Variants in BPTF observed in about 807,000 individuals in gnomAD.
BPTF encodes nucleosome-remodeling factor subunit BPTF.
BPTF carries 18 observed loss-of-function variants against 292.5 expected under a neutral mutation model. That is an observed-to-expected ratio of 0.06 (90% CI 0.04 to 0.09). The LOEUF is 0.09. Ranked by LOEUF, BPTF falls within the 10% of genes least tolerant of loss-of-function variation. The probability of loss-of-function intolerance (pLI) is 1.00; values close to 1 mark genes in which losing one functional copy is unlikely to be tolerated. For synonymous variants in BPTF, 1,225 were observed against 1,251.9 expected, an observed-to-expected ratio of 0.98 and a Z score of 0.45; for missense variants, 2,726 against 3,498.7, an observed-to-expected ratio of 0.78 and a Z score of 5.57.
chr17:67,892,097 T>C (rs1411858103), intron 5 of BPTF, 63 bp downstream of exon 5: 1 of 1,246,106 alleles, frequency 8.0e-7, no homozygotes, highest in East Asian at 2.8e-5. Flanking sequence ...TTACCACACC[T>C]TAAAAATAGG....
chr17:67,975,564 G>A (rs1464453936), intron 26 of BPTF: 7 of 477,720 alleles, frequency 1.5e-5, no homozygotes, highest in South Asian at 1.0e-4. Flanking sequence ...ACAGCAACCC[G>A]GATTTATATT....
intron 23 of BPTF, among the ~76,000 whole-genome samples, chr17:67,948,943 T>C (rs1201575081): frequency 6.6e-6 from 1 of 152,232 alleles, no homozygotes; most frequent in African/African-American, 2.4e-5. Context: ...ATGGCACCAC[T>C]GCACTGCAGC....
At chr17:67,976,663 G>A (rs1439960939) in intron 27 of BPTF, among the ~76,000 whole-genome samples, 2 of 135,326 alleles carry the variant, frequency 1.5e-5, no homozygotes, top group Non-Finnish European at 3.0e-5. Flanking sequence ...TCCAACCTGA[G>A]TGACAGAGTG....
intron 1 of BPTF, among the ~76,000 whole-genome samples, chr17:67,832,009 A>G (rs1310356910): frequency 6.6e-6 from 1 of 152,232 alleles, no homozygotes; most frequent in South Asian, 2.1e-4. Flanking sequence ...CTCCTGCCTC[A>G]GCCTCCCGAG....
Position 67,888,589 on chromosome 17 carries a change from C to CAA in BPTF, c.1865-3232_1865-3231dup, listed in dbSNP as rs776548348. On this transcript the variant is annotated intron_variant, in intron 4 of 27. Transcript: ENST00000306378. ...TGGGTGACAGAACGAGACTCCGTCTCAAAAAAAAAAAAAAAAAAAAAAAAT... is the reference window on the plus strand; with the variant it reads ...TGGGTGACAGAACGAGACTCCGTCTCAAAAAAAAAAAAAAAAAAAAAAAAAAT... Among the ~76,000 whole-genome samples, 517 of 62,724 alleles carry CAA rather than the reference C, an allele frequency of 8.2e-3. 7 individuals carry two copies. Among genetic ancestry groups the CAA allele is most frequent in the Middle Eastern group, 0.033 (4 of 122 alleles). The allele number at this position is 62,724 out of a possible 152,430, so 41.1% of individuals were successfully genotyped here. A position where few individuals can be genotyped will look rare whatever the true frequency, so the allele number is the denominator to read the frequency against.
chr17:67,842,817 C>CAAAAAAAAAAA (rs60085248), intron 1 of BPTF, among the ~76,000 whole-genome samples: 2 of 47,816 alleles, frequency 4.2e-5, no homozygotes, highest in African/African-American at 7.6e-5. Flanking sequence ...CAATTAAGGC[C>CAAAAAAAAAAA]AAAAAAAAAA....
At chr17:67,980,315 A>G (rs2070188599) in intron 27 of BPTF, among the ~76,000 whole-genome samples, 1 of 152,226 alleles carries the variant, frequency 6.6e-6, no homozygotes, top group Non-Finnish European at 1.5e-5. Context: ...ACTGCACTCC[A>G]GCCTGGGCAA....
intron 1 of BPTF, among the ~76,000 whole-genome samples, chr17:67,833,569 TTC>T (rs1201945121): frequency 6.6e-6 from 1 of 152,074 alleles, no homozygotes; most frequent in African/African-American, 2.4e-5. Context: ...CAGTTTTAAT[TTC>T]TTTCTTTTTT....
intron 2 of BPTF, among the ~76,000 whole-genome samples, chr17:67,862,521 C>T (rs749042101): frequency 2.6e-5 from 4 of 152,046 alleles, no homozygotes; most frequent in Non-Finnish European, 5.9e-5. Flanking sequence ...GTGGTGGGAT[C>T]GGGATTTGAA....
At chr17:67,977,519 GA>G (rs556143004) in intron 27 of BPTF, among the ~76,000 whole-genome samples, 34 of 140,138 alleles carry the variant, frequency 2.4e-4, no homozygotes, top group African/African-American at 6.3e-4. Flanking sequence ...CATCTCAGAA[GA>G]AAAAAAAAAA....
intron 11 of BPTF, among the ~76,000 whole-genome samples, chr17:67,915,676 C>T (rs941012819): frequency 6.6e-6 from 1 of 152,088 alleles, no homozygotes; most frequent in African/African-American, 2.4e-5. Flanking sequence ...TGCCTTTGAT[C>T]AGCAACCCCC....
intron 9 of BPTF, among the ~76,000 whole-genome samples, chr17:67,908,207 G>A (rs917082162): frequency 6.6e-6 from 1 of 152,114 alleles, no homozygotes; most frequent in African/African-American, 2.4e-5. Flanking sequence ...CAGCCAGGCT[G>A]GAGTGCAGTG....
At chr17:67,894,840 T>C (rs765986942) in intron 7 of BPTF, among the ~76,000 whole-genome samples, 1 of 152,198 alleles carries the variant, frequency 6.6e-6, no homozygotes, top group Non-Finnish European at 1.5e-5. Flanking sequence ...AAAGATCATA[T>C]AGCTCCTGAG....
chr17:67,950,051 CA>C (rs567911150), intron 23 of BPTF, among the ~76,000 whole-genome samples: 162 of 68,588 alleles, frequency 2.4e-3, no homozygotes, highest in African/African-American at 0.01. Flanking sequence ...GAGACTGTCT[CA>C]AAAAAAAAAA....
At chr17:67,929,262 C>G (rs761885586) in intron 16 of BPTF, 74 bp from the exon 17 acceptor site, 55 of 1,568,610 alleles carry the variant, frequency 3.5e-5, no homozygotes, top group Non-Finnish European at 4.6e-5. Context: ...GTAGTTTCTC[C>G]TCAGCAACCG....
At chr17:67,906,928 C>T (rs1254330944) in intron 9 of BPTF, among the ~76,000 whole-genome samples, 1 of 152,090 alleles carries the variant, frequency 6.6e-6, no homozygotes, top group Non-Finnish European at 1.5e-5. Context: ...TGCCATGGCT[C>T]ACACCTGTGA....
Position 67,912,679 on chromosome 17 carries a change from T to C in BPTF, c.4795T>C (p.Ser1599Pro). ...TTMTSTVATESKTVIKVEKGD... is the reference protein window; with the variant it reads ...TTMTSTVATEPKTVIKVEKGD... ...GATGACCTCCACAGTGGCCACAGAA[T>C]CAAAAACTGTGATCAAGGTAGAAAA... is the stretch of plus-strand genomic sequence containing the variant. The change falls in exon 11 of 28, where the codon TCA becomes CCA. Residue 1599 changes from serine (S) to proline (P), a missense_variant. By Grantham distance (74) the Ser-to-Pro change is moderately conservative. Transcript: ENST00000306378. 1 of 1,613,918 alleles carries C rather than the reference T, an allele frequency of 6.2e-7. No homozygotes were observed. The highest frequency in any genetic ancestry group is 8.5e-7 in the Non-Finnish European group (1 of 1,180,006).
At chr17:67,941,153 A>T (rs2065330380) in intron 19 of BPTF, among the ~76,000 whole-genome samples, 1 of 152,238 alleles carries the variant, frequency 6.6e-6, no homozygotes, top group Admixed American at 6.5e-5. Flanking sequence ...ATAACTTGAT[A>T]TCAAAACTTA....
At chr17:67,881,259 C>A (rs1441220861) in intron 4 of BPTF, among the ~76,000 whole-genome samples, 3 of 152,172 alleles carry the variant, frequency 2.0e-5, no homozygotes, top group African/African-American at 7.2e-5. Context: ...GCTACTATCA[C>A]TTTTAAAAGT....
Sources: gnomAD v4.1 joint callset for allele counts (sites outside exome capture counted in the v4.1 genomes callset) on GRCh38, gnomAD v4.1.1 for gene constraint, MANE v1.5 for transcripts, NCBI Gene and HGNC (gene_info 2026-07-23, HGNC 2026-07-21) for gene names.